The following PDE11A variants were observed in gnomAD, a reference collection of about 807,000 sequenced individuals.
The protein encoded by PDE11A is dual 3',5'-cyclic-AMP and -GMP phosphodiesterase 11A.
Under a neutral mutation model 100.5 loss-of-function variants are expected in PDE11A, and 100 were observed. That is an observed-to-expected ratio of 1.00 (90% CI 0.85 to 1.18). The LOEUF is 1.18. PDE11A is among the 50% of genes most tolerant of loss of function. The probability of loss-of-function intolerance (pLI) is 0.00; values close to 1 mark genes in which losing one functional copy is unlikely to be tolerated. For missense variants in PDE11A, 1,141 were observed against 1,152.6 expected (o/e 0.99, Z 0.15); for synonymous variants, 381 against 420.8 (o/e 0.91, Z 1.16).
intron 19 of PDE11A, among the ~76,000 whole-genome samples, chr2:177,642,280 T>G (rs1182988285): frequency 6.6e-6 from 1 of 152,184 alleles, no homozygotes; most frequent in Non-Finnish European, 1.5e-5. Flanking sequence ...AGAAGGCAAG[T>G]AAGAGGCAGA....
chr2:177,746,369 A>C (rs1328633784), intron 10 of PDE11A, among the ~76,000 whole-genome samples: 1 of 152,202 alleles, frequency 6.6e-6, no homozygotes, highest in Non-Finnish European at 1.5e-5. Flanking sequence ...AAACGGAACA[A>C]ACACCAGAAA....
intron 1 of PDE11A, among the ~76,000 whole-genome samples, chr2:178,040,479 A>G (rs1264496887): frequency 6.6e-6 from 1 of 152,206 alleles, no homozygotes; most frequent in Non-Finnish European, 1.5e-5. Flanking sequence ...TTTAAAGGCA[A>G]TGGACAATAT....
At chr2:177,968,483 T>C (rs891693371) in intron 2 of PDE11A, among the ~76,000 whole-genome samples, 2 of 152,228 alleles carry the variant, frequency 1.3e-5, no homozygotes, top group South Asian at 4.1e-4. Flanking sequence ...TCTGATGTTC[T>C]TCTAAGTGAT....
At chr2:177,680,778 T>A (rs748855761) in intron 16 of PDE11A, 48 bp downstream of exon 16, 1 of 1,032,020 alleles carries the variant, frequency 9.7e-7, no homozygotes, top group Non-Finnish European at 1.5e-6. Flanking sequence ...TTATGTGGAC[T>A]AAATGTCCAA....
intron 16 of PDE11A, chr2:177,676,190 C>T (rs1341678939): frequency 6.3e-6 from 1 of 159,822 alleles, no homozygotes; most frequent in Admixed American, 5.8e-5. Flanking sequence ...GCAGGGTTAA[C>T]CATAATTCAT....
At chr2:177,914,875 A>G (rs1380610473) in intron 2 of PDE11A, among the ~76,000 whole-genome samples, 1 of 152,092 alleles carries the variant, frequency 6.6e-6, no homozygotes, top group Non-Finnish European at 1.5e-5. Context: ...CTTCCTTTTT[A>G]TAATTCCTGG....
At chr2:177,904,667 G>A (rs947920361) in intron 3 of PDE11A, among the ~76,000 whole-genome samples, 10 of 106,080 alleles carry the variant, frequency 9.4e-5, no homozygotes, top group Admixed American at 3.7e-4. Flanking sequence ...CAATTCTCCT[G>A]CCTCAGCCTC....
chr2:178,018,391 T>TTGACTTTAACCC, intron 1 of PDE11A: 3 of 499,324 alleles, frequency 6.0e-6, no homozygotes, highest in South Asian at 4.5e-5. Flanking sequence ...GACTTTAACC[T>TTGACTTTAACCC]TTGCCGGGCT....
intron 6 of PDE11A, among the ~76,000 whole-genome samples, chr2:177,835,227 G>T (rs892839071): frequency 1.3e-5 from 2 of 152,160 alleles, no homozygotes; most frequent in African/African-American, 2.4e-5. Flanking sequence ...CCCCATATTT[G>T]CTGGGAAGAC....
In PDE11A at chr2:177,992,126, G is replaced by A. The variant is rs1281254873; in HGVS notation, c.1071+22176C>T. Among the ~76,000 whole-genome samples, 4 of 150,986 alleles carry A rather than the reference G, an allele frequency of 2.6e-5. No homozygotes were observed. In the South Asian group the frequency reaches 8.5e-4, roughly 32 times the overall value. On this transcript the variant is annotated intron_variant, in intron 2 of 19. Coordinates refer to ENST00000286063, the MANE Select transcript of PDE11A (RefSeq NM_016953.4). Reference sequence around the variant, plus strand: ...ATCTCACATAATCTTAATAAAGACAGTAGAGATAAAAATAGCACCAAAAAA... The same window carrying A: ...ATCTCACATAATCTTAATAAAGACAATAGAGATAAAAATAGCACCAAAAAA...
chr2:177,647,989 G>A (rs1003161663), intron 19 of PDE11A, among the ~76,000 whole-genome samples: 10 of 152,026 alleles, frequency 6.6e-5, no homozygotes, highest in African/African-American at 2.4e-4. Context: ...GTGTGCACCT[G>A]CAATCCTAGC....
In PDE11A at chr2:178,022,653, G is replaced by A. The variant is rs571524071; in HGVS notation, c.913-8193C>T. On this transcript the variant is annotated intron_variant, in intron 1 of 19. Coordinates refer to ENST00000286063, the MANE Select transcript of PDE11A (RefSeq NM_016953.4). ...AAGGAGGAAACAGGACTAGTAAGAA[G>A]GCAAAAAATGTGCTTGTTTCTGAAA... 1.3e-4 allele frequency among the ~76,000 whole-genome samples: 19 copies of A among 151,940 alleles called. No homozygotes were observed. In the East Asian group the frequency reaches 3.7e-3, roughly 29 times the overall value.
At chr2:177,998,371 C>T (rs2086102964) in intron 2 of PDE11A, 3 of 824,030 alleles carry the variant, frequency 3.6e-6, no homozygotes, top group African/African-American at 1.7e-5. Flanking sequence ...AACAATGAAC[C>T]TAAAGTCCCT....
At chr2:177,915,541 C>T (rs1267046300) in intron 2 of PDE11A, among the ~76,000 whole-genome samples, 1 of 152,128 alleles carries the variant, frequency 6.6e-6, no homozygotes, top group Non-Finnish European at 1.5e-5. Flanking sequence ...TTCTTTTTAT[C>T]ACTGATTAAC....
At chr2:177,888,546 C>T (rs905428749) in intron 4 of PDE11A, 4 of 167,510 alleles carry the variant, frequency 2.4e-5, no homozygotes, top group Non-Finnish European at 2.4e-5. Context: ...TATAACAAAA[C>T]CCTTAAAGCA....
At chr2:177,945,632 C>T (rs1273087736) in intron 2 of PDE11A, among the ~76,000 whole-genome samples, 326 of 149,096 alleles carry the variant, frequency 2.2e-3, no homozygotes, top group African/African-American at 7.9e-3. Context: ...GCAGCCGCCC[C>T]GTCTGGGAGG....
intron 2 of PDE11A, among the ~76,000 whole-genome samples, chr2:178,102,882 G>A (rs2087576409): frequency 2.0e-5 from 3 of 149,590 alleles, no homozygotes; most frequent in Admixed American, 2.0e-4. Context: ...TCATATTGGT[G>A]TAGGATGAGC....
At chr2:177,954,334 T>C (rs1263334230) in intron 2 of PDE11A, among the ~76,000 whole-genome samples, 1 of 152,156 alleles carries the variant, frequency 6.6e-6, no homozygotes, top group African/African-American at 2.4e-5. Context: ...TCTTACAGCA[T>C]ATCAAGTATC....
chr2:177,751,961 C>T (rs2082031776), intron 10 of PDE11A, among the ~76,000 whole-genome samples: 1 of 152,078 alleles, frequency 6.6e-6, no homozygotes, highest in Non-Finnish European at 1.5e-5. Context: ...TAAGGTGTTG[C>T]CTACAGTGGG....
Sources: allele counts gnomAD v4.1 joint callset (sites outside exome capture counted in the v4.1 genomes callset), GRCh38; gene constraint gnomAD v4.1.1; transcripts MANE v1.5; gene names NCBI Gene and HGNC (gene_info 2026-07-23, HGNC 2026-07-21).